The following ZNF678 variants were observed in gnomAD, a reference collection of about 807,000 sequenced individuals.
ZNF678 encodes hypothetical protein MGC42493.
ZNF678 carries 5 observed loss-of-function variants against 3.0 expected under a neutral mutation model. The ratio of observed to expected loss-of-function variants is 1.69; its 90% confidence interval spans 0.88 to 3.56. ZNF678 has a LOEUF of 3.56. ZNF678 is among the 30% of genes most tolerant of loss of function. The pLI is 0.00. For missense variants in ZNF678, 593 were observed against 605.0 expected (o/e 0.98, Z 0.21); for synonymous variants, 218 against 199.6 (o/e 1.09, Z -0.78).
chr1:227,662,792 G>A (rs938433824), downstream of ZNF678, among the ~76,000 whole-genome samples: 3 of 152,048 alleles, frequency 2.0e-5, no homozygotes, highest in Non-Finnish European at 2.9e-5. Flanking sequence ...CAGCCCTTTT[G>A]GAAAGTAATC....
chr1:227,611,025 T>C (rs993739426), intron 1 of ZNF678, among the ~76,000 whole-genome samples: 1 of 152,246 alleles, frequency 6.6e-6, no homozygotes, highest in African/African-American at 2.4e-5. Context: ...TGCAACTTGG[T>C]TTACTGTTAC....
Position 227,592,119 on chromosome 1 carries a change from T to A in ZNF678, c.-164+28395T>A, listed in dbSNP as rs1413567771. On this transcript the variant is annotated intron_variant, in intron 1 of 3. Transcript: ENST00000343776. Reference sequence around the variant, plus strand: ...AACTGAGTCCAATACCTCTACATAGTTATGTTCAACTGGGCTCTCTGATAC... The same window carrying A: ...AACTGAGTCCAATACCTCTACATAGATATGTTCAACTGGGCTCTCTGATAC... Among the ~76,000 whole-genome samples, 7 of 152,318 alleles carry A rather than the reference T, an allele frequency of 4.6e-5. No individual in the cohort carries two copies. The East Asian group carries it at 1.2e-3, about 25-fold the overall frequency.
chr1:227,572,359 C>A (rs755277122), intron 1 of ZNF678, among the ~76,000 whole-genome samples: 12 of 152,240 alleles, frequency 7.9e-5, no homozygotes, highest in Non-Finnish European at 1.2e-4. Flanking sequence ...TCTCAAAGTT[C>A]TTTGCCAAGT....
rs1659301569 is a variant in ZNF678 at position 227,658,262 on chromosome 1, C to T, written c.*2434C>T. On this transcript the variant is annotated 3_prime_UTR_variant, in exon 4 of 4. Transcript: ENST00000343776. ...TGTACACTGGGAAGGCTTCATAATT[C>T]ACAAAGTTGTTTTGACATATAAATG... is the stretch of plus-strand genomic sequence containing the variant. 1 of 151,884 alleles carries T rather than the reference C, an allele frequency of 6.6e-6. No homozygotes were observed. The highest frequency in any genetic ancestry group is 1.5e-5 in the Non-Finnish European group (1 of 67,916). 9.4% of individuals were successfully genotyped at this position (151,884 alleles called of 1,614,324 possible). A position where few individuals can be genotyped will look rare whatever the true frequency, so the allele number is the denominator to read the frequency against.
At chr1:227,598,838 TGAA>T (rs1485781441) in intron 1 of ZNF678, 18 of 595,886 alleles carry the variant, frequency 3.0e-5, no homozygotes, top group East Asian at 1.8e-4. Flanking sequence ...TAGAGCTTAA[TGAA>T]GAAGAAGATG....
Position 227,654,493 on chromosome 1 carries a change from A to G in ZNF678, c.243A>G (p.Glu81=). The G allele has an allele frequency of 6.2e-7, 1 of 1,613,306 alleles. No individual in the cohort carries two copies. The highest frequency in any genetic ancestry group is 8.5e-7 in the Non-Finnish European group (1 of 1,179,516). The change falls in exon 4 of 4, where the codon GAA becomes GAG. Residue 81 remains glutamate (E), a synonymous_variant. Transcript: ENST00000343776. The part of the protein sequence containing the change: ...RTVNEGKGQK[E]YCNRLTQCSS... Reference sequence around the variant, plus strand: ...TGAATGAAGGTAAGGGGCAGAAAGAATATTGCAATAGACTTACTCAATGTT... The same window carrying G: ...TGAATGAAGGTAAGGGGCAGAAAGAGTATTGCAATAGACTTACTCAATGTT...
intron 1 of ZNF678, among the ~76,000 whole-genome samples, chr1:227,628,783 C>G (rs1055609901): frequency 6.6e-6 from 1 of 152,180 alleles, no homozygotes; most frequent in Non-Finnish European, 1.5e-5. Flanking sequence ...ACAAGAGTGT[C>G]CAAGTATGAG....
intron 1 of ZNF678, among the ~76,000 whole-genome samples, chr1:227,637,554 T>TA (rs1467961657): frequency 6.6e-6 from 1 of 152,172 alleles, no homozygotes; most frequent in Non-Finnish European, 1.5e-5. Context: ...TTAGAACACC[T>TA]AATGCAACTC....
chr1:227,607,690 A>G (rs1657910247), intron 1 of ZNF678, among the ~76,000 whole-genome samples: 1 of 148,284 alleles, frequency 6.7e-6, no homozygotes, highest in African/African-American at 2.4e-5. Flanking sequence ...AATTTTAAAT[A>G]GTTATATATT....
In ZNF678 at chr1:227,622,454, A is replaced by G. The variant is rs1009432172; in HGVS notation, c.-163-24090A>G. 5.9e-5 allele frequency among the ~76,000 whole-genome samples: 9 copies of G among 152,324 alleles called. No homozygotes were observed. The East Asian group carries it at 1.7e-3, about 29-fold the overall frequency. ...AAGCTGCATCCCAACCACCTTGGGC[A>G]TATGTTCTCAGAACCACTTGAGGCT... On this transcript the variant is annotated intron_variant, in intron 1 of 3. Coordinates refer to ENST00000343776, the MANE Select transcript of ZNF678 (RefSeq NM_001367909.1).
chr1:227,662,744 G>A (rs74140332), downstream of ZNF678, among the ~76,000 whole-genome samples: 1,445 of 152,328 alleles, frequency 9.5e-3, 19 homozygotes, highest in African/African-American at 0.033. Flanking sequence ...TAGGGAACCA[G>A]CGATATTGAG....
At chr1:227,631,346 G>T (rs1352315163) in intron 1 of ZNF678, among the ~76,000 whole-genome samples, 1 of 152,140 alleles carries the variant, frequency 6.6e-6, no homozygotes, top group Non-Finnish European at 1.5e-5. Context: ...AAAGAAAGGG[G>T]TCTGGGCTAC....
intron 1 of ZNF678, among the ~76,000 whole-genome samples, chr1:227,622,136 A>G (rs537848691): frequency 6.6e-6 from 1 of 152,330 alleles, no homozygotes; most frequent in African/African-American, 2.4e-5. Context: ...TTAAGTTCCC[A>G]TAAGAAACAT....
At chr1:227,665,865 G>A (rs1180615502), downstream of ZNF678, among the ~76,000 whole-genome samples, 1 of 152,136 alleles carries the variant, frequency 6.6e-6, no homozygotes, top group African/African-American at 2.4e-5. Context: ...TCTCCTGGGA[G>A]GGTGTGCCTG....
At position 227,583,352 on chromosome 1, in the gene ZNF678, CT is replaced by C. The variant is rs796974595; in HGVS notation, c.-164+19645del. 7.7e-3 allele frequency among the ~76,000 whole-genome samples: 1,018 copies of C among 131,878 alleles called. 11 individuals are homozygous for C. The highest frequency in any genetic ancestry group is 0.053 in the South Asian group (215 of 4,022). The allele number at this position is 131,878 out of a possible 152,430, so 86.5% of individuals were successfully genotyped here. A position where few individuals can be genotyped will look rare whatever the true frequency, so the allele number is the denominator to read the frequency against. ...GAAAATTTCTTTTTTTTTCTTTTTT[CT>C]TTTTTTTTTTTTTTTTGAGACAGAG... On this transcript the variant is annotated intron_variant, in intron 1 of 3. Coordinates refer to ENST00000343776, the MANE Select transcript of ZNF678 (RefSeq NM_001367909.1).
At chr1:227,631,337 A>G (rs185659157) in intron 1 of ZNF678, among the ~76,000 whole-genome samples, 2 of 152,292 alleles carry the variant, frequency 1.3e-5, no homozygotes, top group Admixed American at 6.5e-5. Flanking sequence ...CTTGACCACA[A>G]AGAAAGGGGT....
intron 1 of ZNF678, among the ~76,000 whole-genome samples, chr1:227,644,515 T>C (rs1372672025): frequency 6.6e-6 from 1 of 152,238 alleles, no homozygotes; most frequent in Non-Finnish European, 1.5e-5. Flanking sequence ...ATATTTGTAT[T>C]GGGCTAAGAG....
intron 1 of ZNF678, chr1:227,598,910 A>C: frequency 1.4e-6 from 1 of 726,452 alleles, no homozygotes; most frequent in Non-Finnish European, 2.5e-6. Context: ...ACTTCCACTT[A>C]ACAATTTCTC....
intron 3 of ZNF678, among the ~76,000 whole-genome samples, 166 bp from the exon 4 acceptor site, chr1:227,654,170 C>T (rs1659154530): frequency 6.6e-6 from 1 of 151,882 alleles, no homozygotes; most frequent in Non-Finnish European, 1.5e-5. Flanking sequence ...GCATTTTGGT[C>T]AGTATATTTT....
Sources: gnomAD v4.1 joint callset for allele counts (sites outside exome capture counted in the v4.1 genomes callset) on GRCh38, gnomAD v4.1.1 for gene constraint, MANE v1.5 for transcripts, NCBI Gene and HGNC (gene_info 2026-07-23, HGNC 2026-07-21) for gene names.